The following LAMA5 variants were observed in gnomAD, a reference collection of about 807,000 sequenced individuals.
The protein encoded by LAMA5 is laminin subunit alpha-5.
A neutral mutation model predicts 433.4 loss-of-function variants in LAMA5; 260 were observed. That is an observed-to-expected ratio of 0.60 (90% CI 0.54 to 0.66). LAMA5 has a LOEUF of 0.66. LAMA5 is among the 30% of genes least tolerant of loss of function. The pLI, the probability that LAMA5 is intolerant of heterozygous loss-of-function variation, is 0.00. For synonymous variants in LAMA5, 2,620 were observed against 2,226.6 expected, an observed-to-expected ratio of 1.18 and a Z score of -4.97; for missense variants, 5,378 against 5,258.5, an observed-to-expected ratio of 1.02 and a Z score of -0.70.
chr20:62,351,244 A>G (rs183465677), intron 6 of LAMA5: 1 of 217,334 alleles, frequency 4.6e-6, no homozygotes, highest in Non-Finnish European at 9.4e-6. Context: ...TTGTGTCCTG[A>G]AAGGTTGGGG....
At chr20:62,334,151 T>C (rs754420425) in intron 22 of LAMA5, 35 bp downstream of exon 22, 2 of 1,603,346 alleles carry the variant, frequency 1.2e-6, no homozygotes, top group Non-Finnish European at 1.7e-6. Context: ...GCTCCACTTC[T>C]AGGCTGAGCC....
intron 2 of LAMA5, among the ~76,000 whole-genome samples, chr20:62,357,558 G>A (rs532832411): frequency 4.9e-4 from 75 of 152,294 alleles, no homozygotes; most frequent in African/African-American, 1.6e-3. Flanking sequence ...TAAGCACGGC[G>A]GCCACACAAC....
In LAMA5 at chr20:62,310,167, G is replaced by A. The variant is rs1324860747; in HGVS notation, c.10734+11C>T. On this transcript the variant is annotated intron_variant, in intron 77 of 79. Coordinates refer to ENST00000252999, the MANE Select transcript of LAMA5 (RefSeq NM_005560.6). ...AACCCTGCCCTGGCACGCCACCTCTGCCAGGCTTACTTGCTTCTCGGTCAC... is the reference window on the plus strand; with the variant it reads ...AACCCTGCCCTGGCACGCCACCTCTACCAGGCTTACTTGCTTCTCGGTCAC... 2.5e-6 allele frequency: 4 copies of A among 1,612,108 alleles called. No individual in the cohort carries two copies. In the African/African-American group the frequency reaches 4.0e-5, roughly 16 times the overall value.
At position 62,310,824 on chromosome 20, in the gene LAMA5, G is replaced by A. The variant is rs374207659; in HGVS notation, c.10287C>T (p.Ser3429=). The change falls in exon 75 of 80, where the codon TCC becomes TCT. Residue 3429 remains serine, a synonymous_variant. Transcript: ENST00000252999. ...GGATCCGGTTCTTCTCCCAGCGCAC[G>A]GAGACCTGGGGGCAGGAGATGGGTC... ...RSRPGRWHKV[S]VRWEKNRILL... 30 of 1,561,284 alleles carry A rather than the reference G, an allele frequency of 1.9e-5. No individual in the cohort carries two copies. The highest frequency in any genetic ancestry group is 2.7e-5 in the African/African-American group (2 of 73,518).
chr20:62,346,487 CCCAGCTGAGCCCACT>C lies in LAMA5; in HGVS notation c.1282+4_1282+18del, dbSNP rs1983384119. 1 of 1,548,732 alleles carries C rather than the reference CCCAGCTGAGCCCACT, an allele frequency of 6.5e-7. No individual in the cohort carries two copies. Among genetic ancestry groups the C allele is most frequent in the South Asian group, 1.2e-5 (1 of 83,926 alleles). ...CAGACCCTGAGACCCAGGACACCCG[CCCAGCTGAGCCCACT>C]CACGGCGGCAGACGTGGGGCGAGTC... is the stretch of plus-strand genomic sequence containing the variant. On this transcript the variant is annotated splice_donor_5th_base_variant and intron_variant, in intron 9 of 79. Transcript: ENST00000252999.
At position 62,311,522 on chromosome 20, in the gene LAMA5, T is replaced by TG; in HGVS notation, c.9820dup (p.Gln3274ProfsTer5). 6.2e-7 allele frequency: 1 copy of TG among 1,609,788 alleles called. No individual in the cohort carries two copies. The highest frequency in any genetic ancestry group is 8.5e-7 in the Non-Finnish European group (1 of 1,177,954). On this transcript the variant is annotated frameshift_variant, in exon 72 of 80. Coordinates refer to ENST00000252999, the MANE Select transcript of LAMA5 (RefSeq NM_005560.6). LOFTEE classifies it high-confidence loss of function. ...GTTCTGCTGCAGATCAAATACGCGC[T>TG]GTGGGCCCAGGAGCCTGTGCAGGGC... is the stretch of plus-strand genomic sequence containing the variant.
In LAMA5 at chr20:62,335,126, C is replaced by A. The variant is rs1232087200; in HGVS notation, c.2377G>T (p.Gly793Cys). Residue 793 changes from glycine (G) to cysteine (C), a missense_variant and splice_region_variant, in exon 20 of 80, where the codon GGC becomes TGC. By Grantham distance (159) the Gly-to-Cys change is radical. Coordinates refer to ENST00000252999, the MANE Select transcript of LAMA5 (RefSeq NM_005560.6). ...GGCTTGCAGAAGCACTGGCCGGTGC[C>A]CTGGGGGCCAAGGGAGGAGGTGAAG... is the stretch of plus-strand genomic sequence containing the variant. ...TLGGVAECQP[G>C]TGQCFCKPHV... 6.2e-7 allele frequency: 1 copy of A among 1,612,844 alleles called. No homozygotes were observed. Among genetic ancestry groups the A allele is most frequent in the African/African-American group, 1.3e-5 (1 of 74,984 alleles).
Position 62,310,072 on chromosome 20 carries a change from G to C in LAMA5, c.10744C>G (p.Arg3582Gly), listed in dbSNP as rs375718055. 6.2e-7 allele frequency: 1 copy of C among 1,610,690 alleles called. No homozygotes were observed. Among genetic ancestry groups the C allele is most frequent in the Non-Finnish European group, 8.5e-7 (1 of 1,179,520 alleles). The change falls in exon 78 of 80, where the codon CGG (arginine) becomes GGG (glycine). Residue 3582 changes from arginine (R) to glycine (G), a missense_variant. Coordinates refer to ENST00000252999, the MANE Select transcript of LAMA5 (RefSeq NM_005560.6). ...AACTCCCCTGCTCCGTCATCCGCCC[G>C]CAGCAGGACCTGGCGGGGTAGGAAG... ...LQVTEKQVLL[R>G]ADDGAGEFST...
rs770042009 is a variant in LAMA5, at chr20:62,322,318, G to A, written c.6297C>T (p.Cys2099=). Residue 2099 remains cysteine, a synonymous_variant, in exon 47 of 80, where the codon TGC becomes TGT. Coordinates refer to ENST00000252999, the MANE Select transcript of LAMA5 (RefSeq NM_005560.6). ...CCCAGTAGCCAGGGGCACACTCGCG[G>A]CACTGGGGTCCCATGGTCCCTGGTC... ...HCRPGTMGPQ[C]RECAPGYWGL... The A allele has an allele frequency of 9.1e-5, 145 of 1,600,180 alleles. No homozygotes were observed. The highest frequency in any genetic ancestry group is 1.2e-4 in the Non-Finnish European group (139 of 1,175,454).
rs562203990 is a variant in LAMA5, at chr20:62,335,601, C to T, written c.2324-332G>A. ...ACCCCAACACTCCCTCCAGGACACC[C>T]TCATGGGTACAATCCCCTGAGGAAC... On this transcript the variant is annotated intron_variant, in intron 18 of 79. Transcript: ENST00000252999. Among the ~76,000 whole-genome samples the T allele has an allele frequency of 2.7e-5, 4 of 149,108 alleles. No individual in the cohort carries two copies. In the South Asian group the frequency reaches 8.6e-4, roughly 32 times the overall value.
At chr20:62,309,679 G>A in intron 79 of LAMA5, 37 bp downstream of exon 79, 2 of 1,305,018 alleles carry the variant, frequency 1.5e-6, no homozygotes, top group African/African-American at 3.2e-5. Flanking sequence ...TAGTCCTGAG[G>A]GGCAGCTCCC....
At chr20:62,346,460 G>T in intron 9 of LAMA5, 46 bp downstream of exon 9, 1 of 1,523,568 alleles carries the variant, frequency 6.6e-7, no homozygotes, top group Non-Finnish European at 8.9e-7. Flanking sequence ...CCTCTTTCCA[G>T]GCAGACCCTG....
chr20:62,317,679 G>A lies in LAMA5; in HGVS notation c.7339C>T (p.Leu2447=). ...LASVFRLLHS[L]DQAKEELERL... is the part of the protein sequence containing the mutation. ...GCACTCACCTCCTTAGCCTGGTCCAGGCTGTGCAGCAATCTGAAGACGCTG... is the reference window on the plus strand; with the variant it reads ...GCACTCACCTCCTTAGCCTGGTCCAAGCTGTGCAGCAATCTGAAGACGCTG... Residue 2447 remains leucine (L), a synonymous_variant, in exon 54 of 80, where the codon CTG becomes TTG. Coordinates refer to ENST00000252999, the MANE Select transcript of LAMA5 (RefSeq NM_005560.6). 1 of 1,594,262 alleles carries A rather than the reference G, an allele frequency of 6.3e-7. No homozygotes were observed. Among genetic ancestry groups the A allele is most frequent in the South Asian group, 1.1e-5 (1 of 88,518 alleles).
At chr20:62,323,031 A>ACGAGGGGGGAC (rs1978572300) in intron 45 of LAMA5, among the ~76,000 whole-genome samples, 1 of 125,352 alleles carries the variant, frequency 8.0e-6, no homozygotes, top group Non-Finnish European at 1.6e-5. Flanking sequence ...GTGTCTAACC[A>ACGAGGGGGGAC]TGAGGGGGGA....
chr20:62,352,507 C>A, intron 3 of LAMA5, 147 bp from the exon 4 acceptor site: 1 of 639,646 alleles, frequency 1.6e-6, no homozygotes, highest in Non-Finnish European at 2.7e-6. Context: ...AGCTCACTGG[C>A]TGAAGGGGCC....
intron 54 of LAMA5, 56 bp downstream of exon 54, chr20:62,317,606 C>G: frequency 6.6e-7 from 1 of 1,520,122 alleles, no homozygotes. Flanking sequence ...GCCCACGGGC[C>G]TGGGAGGGAG....
chr20:62,326,904 G>C lies in LAMA5; in HGVS notation c.5175C>G (p.Val1725=). The part of the protein sequence containing the change: ...ELHSETQRGD[V]FVPMESRPDV... The stretch of plus-strand genomic sequence containing the variant: ...CCGGCCTGCTCTCCATGGGGACAAA[G>C]ACATCTCCCCGCTGGGTCTCTGAGT... The change falls in exon 39 of 80, where the codon GTC becomes GTG. Residue 1725 remains valine (V), a synonymous_variant. Transcript: ENST00000252999. The C allele has an allele frequency of 6.2e-7, 1 of 1,612,438 alleles. No homozygotes were observed. Among genetic ancestry groups the C allele is most frequent in the East Asian group, 2.2e-5 (1 of 44,842 alleles).
intron 1 of LAMA5, among the ~76,000 whole-genome samples, chr20:62,365,652 G>A (rs1471180871): frequency 1.3e-5 from 2 of 152,114 alleles, no homozygotes; most frequent in African/African-American, 2.4e-5. Flanking sequence ...CTGAGACCCG[G>A]CCCCTCTGAG....
Position 62,331,126 on chromosome 20 carries a change from C to T in LAMA5, c.3556G>A (p.Gly1186Arg), listed in dbSNP as rs776364921. 51 of 1,572,056 alleles carry T rather than the reference C, an allele frequency of 3.2e-5. No individual in the cohort carries two copies. The highest frequency in any genetic ancestry group is 1.8e-4 in the South Asian group (16 of 86,680). ...TAEQARFFLH[G>R]VTLVPIEEFS... ...TCCTCAATGGGCACCAGAGTGACCCCGTGCTGCAGGCAGAGGGACGAGATG... is the reference window on the plus strand; with the variant it reads ...TCCTCAATGGGCACCAGAGTGACCCTGTGCTGCAGGCAGAGGGACGAGATG... The change falls in exon 29 of 80, where the codon GGG (glycine) becomes AGG (arginine). Residue 1186 changes from glycine (G) to arginine (R), a missense_variant. Gly to Arg is a moderately radical substitution (Grantham distance 125, BLOSUM62 -2). Coordinates refer to ENST00000252999, the MANE Select transcript of LAMA5 (RefSeq NM_005560.6).
Sources: gnomAD v4.1 joint callset for allele counts (sites outside exome capture counted in the v4.1 genomes callset) on GRCh38, gnomAD v4.1.1 for gene constraint, MANE v1.5 for transcripts, NCBI Gene and HGNC (gene_info 2026-07-23, HGNC 2026-07-21) for gene names.